MELK: variants seen among roughly 807,000 people sequenced by gnomAD.
MELK encodes the protein pEg3 kinase.
MELK carries 81 observed loss-of-function variants against 85.0 expected under a neutral mutation model. That is an observed-to-expected ratio of 0.95 (90% confidence interval 0.80 to 1.15). MELK has a LOEUF of 1.15. Among genes scored for constraint, MELK ranks in the 50% most tolerant of loss-of-function variants. The probability of loss-of-function intolerance (pLI) is 0.00; values close to 1 mark genes in which losing one functional copy is unlikely to be tolerated. For missense variants in MELK, 754 were observed against 777.5 expected (o/e 0.97, Z 0.36); for synonymous variants, 252 against 265.0 (o/e 0.95, Z 0.48).
Position 36,601,504 on chromosome 9 carries a change from C to G in MELK, c.567+2018C>G, listed in dbSNP as rs10972989. 3.9e-4 allele frequency among the ~76,000 whole-genome samples: 59 copies of G among 152,088 alleles called. No homozygotes were observed. The East Asian group carries it at 0.01, about 27-fold the overall frequency. On this transcript the variant is annotated intron_variant, in intron 7 of 17. Transcript: ENST00000298048. ...TTCTTAGTGCATTATAGGAAAGGGA[C>G]CAAATGTTTTCTGAACGTTTATCAT... is the stretch of plus-strand genomic sequence containing the variant.
intron 10 of MELK, among the ~76,000 whole-genome samples, chr9:36,636,406 G>A (rs1829143942): frequency 2.0e-5 from 3 of 152,056 alleles, no homozygotes; most frequent in South Asian, 2.1e-4. Flanking sequence ...GGAGGCTGAG[G>A]CAGGAGAATC....
rs1273960378 is a variant in MELK, at chr9:36,677,321, C to CTAGCTGCAAGGTATA, written c.1941_1955dup (p.Val651_Ter652insTyrSerCysLysVal). On this transcript the variant is annotated inframe_insertion, in exon 18 of 18. Coordinates refer to ENST00000298048, the MANE Select transcript of MELK (RefSeq NM_014791.4). ...AAAAGATTAGTGGAAGACATCCTAT[C>CTAGCTGCAAGGTATA]TAGCTGCAAGGTATAATTGATGGAT... 5 of 1,612,784 alleles carry CTAGCTGCAAGGTATA rather than the reference C, an allele frequency of 3.1e-6. No homozygotes were observed. Among genetic ancestry groups the CTAGCTGCAAGGTATA allele is most frequent in the Non-Finnish European group, 4.2e-6 (5 of 1,179,318 alleles).
intron 8 of MELK, among the ~76,000 whole-genome samples, chr9:36,614,456 T>TA (rs1290907604): frequency 6.9e-6 from 1 of 144,580 alleles, no homozygotes; most frequent in African/African-American, 2.6e-5. Flanking sequence ...TTTATTTTTT[T>TA]ATTGATAATT....
chr9:36,575,622 C>T (rs1352268990), intron 1 of MELK, among the ~76,000 whole-genome samples: 1 of 152,088 alleles, frequency 6.6e-6, no homozygotes, highest in Admixed American at 6.6e-5. Context: ...AAAAAAAGTG[C>T]ATGGCTTCAG....
chr9:36,649,866 G>A (rs1314174569), intron 11 of MELK, among the ~76,000 whole-genome samples: 1 of 152,108 alleles, frequency 6.6e-6, no homozygotes, highest in East Asian at 1.9e-4. Context: ...GGGAGGATTG[G>A]TTGAGGCCAG....
chr9:36,577,023 C>G (rs767636769), intron 1 of MELK, among the ~76,000 whole-genome samples: 10 of 152,280 alleles, frequency 6.6e-5, no homozygotes, highest in Middle Eastern at 3.4e-3. Flanking sequence ...AGGGCCTTCT[C>G]TTATTAAGCT....
chr9:36,616,916 C>T (rs1826892295), intron 8 of MELK, among the ~76,000 whole-genome samples: 1 of 146,866 alleles, frequency 6.8e-6, no homozygotes, highest in African/African-American at 2.5e-5. Context: ...TCTTGGAAAT[C>T]ATAGCACTTC....
At chr9:36,608,052 T>C (rs1367733948) in intron 8 of MELK, among the ~76,000 whole-genome samples, 1 of 151,974 alleles carries the variant, frequency 6.6e-6, no homozygotes, top group Non-Finnish European at 1.5e-5. Context: ...AGGCTGAGAC[T>C]GGCAGATCAC....
rs1832850651 is a variant in MELK at position 36,671,129 on chromosome 9, G to A, written c.1637G>A (p.Arg546Lys). The A allele has an allele frequency of 6.2e-7, 1 of 1,610,130 alleles. No homozygotes were observed. The highest frequency in any genetic ancestry group is 8.5e-7 in the Non-Finnish European group (1 of 1,178,070). Residue 546 changes from arginine to lysine, a missense_variant, in exon 16 of 18, where the codon AGG (arginine) becomes AAG (lysine). By Grantham distance (26) the Arg-to-Lys change is conservative. Coordinates refer to ENST00000298048, the MANE Select transcript of MELK (RefSeq NM_014791.4). ...ATCACTGTGCTCACCAGGAGCAAAA[G>A]GAAGGGTTCTGCCAGAGACGGGCCC... ...KVITVLTRSKRKGSARDGPRR... is the reference protein window; with the variant it reads ...KVITVLTRSKKKGSARDGPRR...
chr9:36,665,295 A>G (rs886763064), intron 13 of MELK, 55 bp from the exon 14 acceptor site: 2 of 1,096,876 alleles, frequency 1.8e-6, no homozygotes, highest in Non-Finnish European at 2.7e-6. Flanking sequence ...GAATGTTGTA[A>G]AGAAATTGAC....
rs754005792 is a variant in MELK, at chr9:36,594,667, C to T, written c.301C>T (p.Gln101Ter). The T allele has an allele frequency of 1.1e-5, 18 of 1,613,892 alleles. No individual in the cohort carries two copies. The highest frequency in any genetic ancestry group is 1.4e-5 in the Non-Finnish European group (17 of 1,180,004). The change falls in exon 5 of 18, where the codon CAG (glutamine) becomes TAG (stop). Residue 101 changes from glutamine to a stop codon, truncating the protein, a stop_gained. Coordinates refer to ENST00000298048, the MANE Select transcript of MELK (RefSeq NM_014791.4). LOFTEE classifies it high-confidence loss of function. ...GGELFDYIIS[Q>*]DRLSEEETRV... ...AGAGCTGTTTGACTATATAATTTCCCAGGATCGCCTGTCAGAAGAGGAGAC... is the reference window on the plus strand; with the variant it reads ...AGAGCTGTTTGACTATATAATTTCCTAGGATCGCCTGTCAGAAGAGGAGAC...
intron 14 of MELK, among the ~76,000 whole-genome samples, chr9:36,669,085 G>GA (rs750945792): frequency 6.6e-6 from 1 of 151,590 alleles, no homozygotes; most frequent in African/African-American, 2.4e-5. Flanking sequence ...TTGCAGTGAA[G>GA]AAAAAAAAGA....
At chr9:36,616,157 G>A (rs1344922125) in intron 8 of MELK, among the ~76,000 whole-genome samples, 1 of 152,156 alleles carries the variant, frequency 6.6e-6, no homozygotes, top group Non-Finnish European at 1.5e-5. Flanking sequence ...AAAGGGTAAA[G>A]TAAAATTGAC....
intron 15 of MELK, 93 bp downstream of exon 15, chr9:36,669,499 C>A: frequency 1.1e-6 from 1 of 871,262 alleles, no homozygotes. Context: ...GGTAAATCAT[C>A]ACATAGATTC....
chr9:36,637,128 G>A (rs527265567), intron 10 of MELK, among the ~76,000 whole-genome samples: 10 of 151,884 alleles, frequency 6.6e-5, no homozygotes, highest in South Asian at 6.2e-4. Flanking sequence ...CACTGCACCC[G>A]GCCAGCAACT....
intron 1 of MELK, among the ~76,000 whole-genome samples, chr9:36,573,584 C>T (rs1277368023): frequency 6.6e-6 from 1 of 152,178 alleles, no homozygotes; most frequent in East Asian, 1.9e-4. Context: ...CGGCTCACCG[C>T]AACCTCCGCC....
At chr9:36,661,952 A>AAC (rs1554740060) in intron 13 of MELK, among the ~76,000 whole-genome samples, 3 of 136,892 alleles carry the variant, frequency 2.2e-5, no homozygotes, top group East Asian at 2.1e-4. Flanking sequence ...AAAAAAAAAA[A>AAC]AAAACAAAAC....
intron 11 of MELK, among the ~76,000 whole-genome samples, chr9:36,647,232 T>G (rs776202216): frequency 6.6e-6 from 1 of 152,206 alleles, no homozygotes; most frequent in Non-Finnish European, 1.5e-5. Flanking sequence ...AGGAATTGTT[T>G]ACAATGCCTG....
intron 10 of MELK, among the ~76,000 whole-genome samples, chr9:36,642,198 G>A (rs546524081): frequency 2.6e-5 from 4 of 152,152 alleles, no homozygotes; most frequent in East Asian, 1.9e-4. Flanking sequence ...AATAACGATC[G>A]TGTGGCATCT....
Sources: gnomAD v4.1 joint callset for allele counts (sites outside exome capture counted in the v4.1 genomes callset) on GRCh38, gnomAD v4.1.1 for gene constraint, MANE v1.5 for transcripts, NCBI Gene and HGNC (gene_info 2026-07-23, HGNC 2026-07-21) for gene names.